Variants in OR14J1 observed in about 807,000 individuals in gnomAD.
OR14J1 encodes olfactory receptor family 14 subfamily J member 1.
For missense variants in OR14J1, 378 were observed against 393.4 expected (o/e 0.96, Z 0.33); for synonymous variants, 140 against 146.7 (o/e 0.95, Z 0.33).
Position 29,307,988 on chromosome 6 carries a change from TG to T in OR14J1, c.*335del, listed in dbSNP as rs1254110796. ...CTGGGTTAATATTATGGTGCATATA[TG>T]GTATTTCCAGTGGGCCTCCTAGTTT... On this transcript the variant is annotated 3_prime_UTR_variant, in exon 2 of 2. Coordinates refer to ENST00000641895, the MANE Select transcript of OR14J1 (RefSeq NM_030946.2). 2.1e-5 allele frequency: 4 copies of T among 186,412 alleles called. No homozygotes were observed. Among genetic ancestry groups the T allele is most frequent in the Non-Finnish European group, 3.3e-5 (3 of 90,660 alleles). The allele number at this position is 186,412 out of a possible 1,614,324, so 11.5% of individuals were successfully genotyped here. A position where few individuals can be genotyped will look rare whatever the true frequency, so the allele number is the denominator to read the frequency against.
Position 29,312,856 on chromosome 6 carries a change from C to T in OR14J1, c.*5201C>T, listed in dbSNP as rs1775624212. 1 of 152,256 alleles carries T rather than the reference C, an allele frequency of 6.6e-6. No individual in the cohort carries two copies. The allele number at this position is 152,256 out of a possible 1,614,324, so 9.4% of individuals were successfully genotyped here. On this transcript the variant is annotated 3_prime_UTR_variant, in exon 2 of 2. Coordinates refer to ENST00000641895, the MANE Select transcript of OR14J1 (RefSeq NM_030946.2). ...ATCAAGACCATCTTGGCTACCTTGT[C>T]AGGTATTTTGAAAAACTTTTAGCTT...
rs565464581 is a variant in OR14J1 at position 29,311,339 on chromosome 6, G to C, written c.*3684G>C. ...GCATGAAGGGCTGCTGAATTTTGTC[G>C]AAGGCCTTTTCTGCATCTATTGAGA... On this transcript the variant is annotated 3_prime_UTR_variant, in exon 2 of 2. Coordinates refer to ENST00000641895, the MANE Select transcript of OR14J1 (RefSeq NM_030946.2). 2.6e-5 allele frequency: 4 copies of C among 152,036 alleles called. No individual in the cohort carries two copies. The highest frequency in any genetic ancestry group is 4.4e-5 in the Non-Finnish European group (3 of 67,994). 9.4% of individuals were successfully genotyped at this position (152,036 alleles called of 1,614,324 possible).
rs1256585770 is a variant in OR14J1 at position 29,310,311 on chromosome 6, A to T, written c.*2656A>T. 1 of 152,200 alleles carries T rather than the reference A, an allele frequency of 6.6e-6. No individual in the cohort carries two copies. Among genetic ancestry groups the T allele is most frequent in the Non-Finnish European group, 1.5e-5 (1 of 68,040 alleles). The allele number at this position is 152,200 out of a possible 1,614,324, so 9.4% of individuals were successfully genotyped here. Reference sequence around the variant, plus strand: ...TGTATAAGGTATAAGGAAGGAGTCCAGTTTCAGTTTTCTGCATATGGCTAG... The same window carrying T: ...TGTATAAGGTATAAGGAAGGAGTCCTGTTTCAGTTTTCTGCATATGGCTAG... On this transcript the variant is annotated 3_prime_UTR_variant, in exon 2 of 2. Transcript: ENST00000641895.
At position 29,310,020 on chromosome 6, in the gene OR14J1, T is replaced by C. The variant is rs1161330289; in HGVS notation, c.*2365T>C. On this transcript the variant is annotated 3_prime_UTR_variant, in exon 2 of 2. Coordinates refer to ENST00000641895, the MANE Select transcript of OR14J1 (RefSeq NM_030946.2). Reference sequence around the variant, plus strand: ...GTAGATTCTGGATATTAGCCCTTTGTCAGATGGATAGATTACAAAAATTTT... The same window carrying C: ...GTAGATTCTGGATATTAGCCCTTTGCCAGATGGATAGATTACAAAAATTTT... 6.6e-6 allele frequency: 1 copy of C among 152,222 alleles called. No individual in the cohort carries two copies. The highest frequency in any genetic ancestry group is 1.9e-4 in the East Asian group (1 of 5,202). 9.4% of individuals were successfully genotyped at this position (152,222 alleles called of 1,614,324 possible). A position where few individuals can be genotyped will look rare whatever the true frequency, so the allele number is the denominator to read the frequency against.
chr6:29,312,008 TATTA>T lies in OR14J1; in HGVS notation c.*4354_*4357del, dbSNP rs1372963279. 6.6e-6 allele frequency: 1 copy of T among 152,174 alleles called. No homozygotes were observed. Among genetic ancestry groups the T allele is most frequent in the African/African-American group, 2.4e-5 (1 of 41,436 alleles). The allele number at this position is 152,174 out of a possible 1,614,324, so 9.4% of individuals were successfully genotyped here. A position where few individuals can be genotyped will look rare whatever the true frequency, so the allele number is the denominator to read the frequency against. ...ATTGATTTTTCTCTCTTGTCTTCTTTATTAGTCTGGCTAGCAGTCTACTTTGTTA... is the reference window on the plus strand; with the variant it reads ...ATTGATTTTTCTCTCTTGTCTTCTTTGTCTGGCTAGCAGTCTACTTTGTTA... On this transcript the variant is annotated 3_prime_UTR_variant, in exon 2 of 2. Transcript: ENST00000641895.
Position 29,311,890 on chromosome 6 carries a change from A to G in OR14J1, c.*4235A>G, listed in dbSNP as rs1250292550. 1 of 152,070 alleles carries G rather than the reference A, an allele frequency of 6.6e-6. No individual in the cohort carries two copies. Among genetic ancestry groups the G allele is most frequent in the Non-Finnish European group, 1.5e-5 (1 of 67,994 alleles). The allele number at this position is 152,070 out of a possible 1,614,324, so 9.4% of individuals were successfully genotyped here. A position where few individuals can be genotyped will look rare whatever the true frequency, so the allele number is the denominator to read the frequency against. On this transcript the variant is annotated 3_prime_UTR_variant, in exon 2 of 2. Coordinates refer to ENST00000641895, the MANE Select transcript of OR14J1 (RefSeq NM_030946.2). ...CCATTTTTTCTAGATTTTCTAGTTT[A>G]TTTGCATAGAGATGTTTATAGTATT...
In OR14J1 at chr6:29,307,336, A is replaced by C. The variant is rs769479892; in HGVS notation, c.647A>C (p.Tyr216Ser). 6.2e-7 allele frequency: 1 copy of C among 1,613,044 alleles called. No homozygotes were observed. The highest frequency in any genetic ancestry group is 1.1e-5 in the South Asian group (1 of 91,084). Residue 216 changes from tyrosine to serine, a missense_variant, in exon 2 of 2, where the codon TAC (tyrosine) becomes TCC (serine). By Grantham distance (144) the Tyr-to-Ser change is moderately radical (BLOSUM62 -2). Transcript: ENST00000641895. ...TGTTTGATCTCCATTGTGCTCTCCT[A>C]CATTCGCATCTTCTCTACAGTGCTG... ...FICLISIVLS[Y>S]IRIFSTVLRI...
At position 29,310,333 on chromosome 6, in the gene OR14J1, C is replaced by T. The variant is rs1775418225; in HGVS notation, c.*2678C>T. On this transcript the variant is annotated 3_prime_UTR_variant, in exon 2 of 2. Coordinates refer to ENST00000641895, the MANE Select transcript of OR14J1 (RefSeq NM_030946.2). The stretch of plus-strand genomic sequence containing the variant: ...TCCAGTTTCAGTTTTCTGCATATGG[C>T]TAGCCAGTTTTCTCAACAGCATTTA... 6.6e-6 allele frequency: 1 copy of T among 152,206 alleles called. No individual in the cohort carries two copies. The highest frequency in any genetic ancestry group is 1.5e-5 in the Non-Finnish European group (1 of 68,030). 9.4% of individuals were successfully genotyped at this position (152,206 alleles called of 1,614,324 possible). A position where few individuals can be genotyped will look rare whatever the true frequency, so the allele number is the denominator to read the frequency against.
rs1331232512 is a variant in OR14J1 at position 29,307,541 on chromosome 6, T to C, written c.852T>C (p.Asn284=). The change falls in exon 2 of 2, where the codon AAT becomes AAC. Residue 284 remains asparagine (N), a synonymous_variant. Transcript: ENST00000641895. ...VFYTVIPPTL[N]PVIYSLRNDS... Reference sequence around the variant, plus strand: ...ATACTGTGATACCTCCAACACTCAATCCAGTCATTTATAGCTTACGGAATG... The same window carrying C: ...ATACTGTGATACCTCCAACACTCAACCCAGTCATTTATAGCTTACGGAATG... 1 of 1,612,868 alleles carries C rather than the reference T, an allele frequency of 6.2e-7. No individual in the cohort carries two copies. The highest frequency in any genetic ancestry group is 2.2e-5 in the East Asian group (1 of 44,872).
At chr6:29,306,292 G>T (rs367828820) in intron 1 of OR14J1, among the ~76,000 whole-genome samples, 30 of 152,218 alleles carry the variant, frequency 2.0e-4, no homozygotes, top group Admixed American at 1.9e-3. Flanking sequence ...ATGTTAGCTG[G>T]TTAGCAAAAG....
At chr6:29,303,700 A>G (rs978178887) in intron 1 of OR14J1, among the ~76,000 whole-genome samples, 2 of 149,552 alleles carry the variant, frequency 1.3e-5, no homozygotes, top group Non-Finnish European at 3.0e-5. Context: ...CTATCTATCT[A>G]TCTATCTATC....
At chr6:29,303,018 G>C (rs9348826) in intron 1 of OR14J1, among the ~76,000 whole-genome samples, 13,547 of 136,512 alleles carry the variant, frequency 0.099, 665 homozygotes, top group Admixed American at 0.12. Context: ...TGGGAGAAGA[G>C]ATGAGTCCTT....
intron 1 of OR14J1, among the ~76,000 whole-genome samples, chr6:29,304,810 G>A (rs1774968809): frequency 6.6e-6 from 1 of 152,152 alleles, no homozygotes; most frequent in Non-Finnish European, 1.5e-5. Context: ...TTAATGGGGA[G>A]GCTAAATGAT....
Position 29,311,134 on chromosome 6 carries a change from C to A in OR14J1, c.*3479C>A, listed in dbSNP as rs999295645. On this transcript the variant is annotated 3_prime_UTR_variant, in exon 2 of 2. Transcript: ENST00000641895. ...TCTTGCCTGATTGCCCTGGCCAGAACTTCCAACATTATGTTGAATAAGAGT... is the reference window on the plus strand; with the variant it reads ...TCTTGCCTGATTGCCCTGGCCAGAAATTCCAACATTATGTTGAATAAGAGT... The A allele has an allele frequency of 1.3e-5, 2 of 152,168 alleles. No homozygotes were observed. Among genetic ancestry groups the A allele is most frequent in the African/African-American group, 4.8e-5 (2 of 41,456 alleles). The allele number at this position is 152,168 out of a possible 1,614,324, so 9.4% of individuals were successfully genotyped here.
chr6:29,308,272 T>C lies in OR14J1; in HGVS notation c.*617T>C, dbSNP rs1775255672. 6.6e-6 allele frequency: 1 copy of C among 152,236 alleles called. No homozygotes were observed. Among genetic ancestry groups the C allele is most frequent in the South Asian group, 2.1e-4 (1 of 4,836 alleles). 9.4% of individuals were successfully genotyped at this position (152,236 alleles called of 1,614,324 possible). A position where few individuals can be genotyped will look rare whatever the true frequency, so the allele number is the denominator to read the frequency against. On this transcript the variant is annotated 3_prime_UTR_variant, in exon 2 of 2. Coordinates refer to ENST00000641895, the MANE Select transcript of OR14J1 (RefSeq NM_030946.2). ...GCTCTGATTCAAATTAATATTTGTC[T>C]GACTCAAACAATAAGGTCATTTATG...
Position 29,307,240 on chromosome 6 carries a change from A to C in OR14J1, c.551A>C (p.Lys184Thr), listed in dbSNP as rs140166737. 12 of 1,612,940 alleles carry C rather than the reference A, an allele frequency of 7.4e-6. No individual in the cohort carries two copies. The African/African-American group carries it at 1.5e-4, about 20-fold the overall frequency. Residue 184 changes from lysine (K) to threonine (T), a missense_variant, in exon 2 of 2, where the codon AAA becomes ACA. Lys to Thr is a moderately conservative substitution (Grantham distance 78). Transcript: ENST00000641895. ...QFFCDVPQML[K>T]LACSYEFINE... is the part of the protein sequence containing the mutation. ...TTCTGTGATGTTCCTCAGATGCTGA[A>C]ACTAGCCTGTTCTTATGAATTCATT...
chr6:29,308,090 C>T lies in OR14J1; in HGVS notation c.*435C>T, dbSNP rs1775242969. The T allele has an allele frequency of 6.5e-6, 1 of 153,786 alleles. No homozygotes were observed. The allele number at this position is 153,786 out of a possible 1,614,324, so 9.5% of individuals were successfully genotyped here. A position where few individuals can be genotyped will look rare whatever the true frequency, so the allele number is the denominator to read the frequency against. On this transcript the variant is annotated 3_prime_UTR_variant, in exon 2 of 2. Transcript: ENST00000641895. Reference sequence around the variant, plus strand: ...GTGATTTCAACAATTTATTCAGCCCCTAGTAAGTATCAAGTGCTTTATATA... The same window carrying T: ...GTGATTTCAACAATTTATTCAGCCCTTAGTAAGTATCAAGTGCTTTATATA...
intron 1 of OR14J1, among the ~76,000 whole-genome samples, chr6:29,302,168 CT>C (rs67563283): frequency 0.27 from 17,138 of 63,534 alleles, 1,200 homozygotes; most frequent in South Asian, 0.31. Context: ...GATTTTTTTT[CT>C]TTTTTTTTTC....
rs1043395179 is a variant in OR14J1, at chr6:29,311,540, A to T, written c.*3885A>T. On this transcript the variant is annotated 3_prime_UTR_variant, in exon 2 of 2. Coordinates refer to ENST00000641895, the MANE Select transcript of OR14J1 (RefSeq NM_030946.2). ...TATTTTATTGAGGATTTTCACATCA[A>T]TGTTCATCAGGGATATTGGCCTGAA... The T allele has an allele frequency of 6.6e-6, 1 of 152,240 alleles. No homozygotes were observed. The highest frequency in any genetic ancestry group is 2.4e-5 in the African/African-American group (1 of 41,460). The allele number at this position is 152,240 out of a possible 1,614,324, so 9.4% of individuals were successfully genotyped here.
Sources: gnomAD v4.1 joint callset for allele counts (sites outside exome capture counted in the v4.1 genomes callset) on GRCh38, gnomAD v4.1.1 for gene constraint, MANE v1.5 for transcripts, NCBI Gene and HGNC (gene_info 2026-07-23, HGNC 2026-07-21) for gene names.